ADCY2: variants seen among roughly 807,000 people sequenced by gnomAD.
ADCY2 encodes adenylate cyclase 2, also known as adenylate cyclase type 2.
In ADCY2, 31 loss-of-function variants were observed where a neutral mutation model predicts 125.2. That is an observed-to-expected ratio of 0.25 (90% CI 0.19 to 0.33). ADCY2 has a LOEUF of 0.33. Among genes scored for constraint, ADCY2 ranks in the 10% least tolerant of loss-of-function variants. The pLI, the probability that ADCY2 is intolerant of heterozygous loss-of-function variation, is 1.00. For missense variants in ADCY2, 904 were observed against 1,418.2 expected, an observed-to-expected ratio of 0.64 and a Z score of 5.82; for synonymous variants, 512 against 548.4, an observed-to-expected ratio of 0.93 and a Z score of 0.93.
chr5:7,491,093 A>G (rs1483643715), intron 2 of ADCY2, among the ~76,000 whole-genome samples: 2 of 152,238 alleles, frequency 1.3e-5, no homozygotes, highest in East Asian at 3.8e-4. Flanking sequence ...TACAAAATTA[A>G]ATAAGGGGAA....
Position 7,690,515 on chromosome 5 carries a change from C to T in ADCY2, c.721-176C>T, listed in dbSNP as rs947576676. The T allele has an allele frequency of 4.9e-5, 22 of 449,256 alleles. 1 individual carries two copies. Among genetic ancestry groups the T allele is most frequent in the Non-Finnish European group, 6.1e-5 (16 of 263,026 alleles). 27.8% of individuals were successfully genotyped at this position (449,256 alleles called of 1,614,324 possible). A position where few individuals can be genotyped will look rare whatever the true frequency, so the allele number is the denominator to read the frequency against. Reference sequence around the variant, plus strand: ...TAATAAATAATATAATGATACAGTCCGACCTTAGAAAATCTCTTTTTATTC... The same window carrying T: ...TAATAAATAATATAATGATACAGTCTGACCTTAGAAAATCTCTTTTTATTC... On this transcript the variant is annotated intron_variant, in intron 4 of 24. Coordinates refer to ENST00000338316, the MANE Select transcript of ADCY2 (RefSeq NM_020546.3).
At chr5:7,443,184 GA>G (rs139250179) in intron 2 of ADCY2, among the ~76,000 whole-genome samples, 2,616 of 152,228 alleles carry the variant, frequency 0.017, 77 homozygotes, top group African/African-American at 0.059. Context: ...ATTTTTAGGA[GA>G]CAGAACTAGA....
Position 7,506,954 on chromosome 5 carries a change from A to AT in ADCY2, c.409-13778dup, listed in dbSNP as rs1345497376. Among the ~76,000 whole-genome samples, 9 of 150,256 alleles carry AT rather than the reference A, an allele frequency of 6.0e-5. 1 individual carries two copies. The East Asian group carries it at 1.4e-3, about 24-fold the overall frequency. On this transcript the variant is annotated intron_variant, in intron 2 of 24. Transcript: ENST00000338316. ...GGGCACCCGCCACCATGCCCGGCTA[A>AT]TTTTTTGTATTTTTAGTACAGACGG...
chr5:7,710,290 A>G lies in ADCY2; in HGVS notation c.1578+903A>G, dbSNP rs1035920451. Among the ~76,000 whole-genome samples, 6 of 152,320 alleles carry G rather than the reference A, an allele frequency of 3.9e-5. No homozygotes were observed. The Middle Eastern group carries it at 0.014, about 345-fold the overall frequency. On this transcript the variant is annotated intron_variant, in intron 10 of 24. Coordinates refer to ENST00000338316, the MANE Select transcript of ADCY2 (RefSeq NM_020546.3). Reference sequence around the variant, plus strand: ...TCTCTTCATCTTTTTTCAACTAAAAAGTAAATGTGACTATCAGACGGAAGA... The same window carrying G: ...TCTCTTCATCTTTTTTCAACTAAAAGGTAAATGTGACTATCAGACGGAAGA...
chr5:7,673,269 A>AATATATATATATATATATAT (rs1180249627), intron 4 of ADCY2, among the ~76,000 whole-genome samples: 93 of 3,920 alleles, frequency 0.024, 5 homozygotes, highest in Admixed American at 0.14. Flanking sequence ...AAAAAAAAAA[A>AATATATATATATATATATAT]ATATATATAT....
rs192673012 is a variant in ADCY2 at position 7,800,037 on chromosome 5, G to A, written c.2629-2181G>A. 9 of 152,324 alleles carry A rather than the reference G, an allele frequency of 5.9e-5. No individual in the cohort carries two copies. In the East Asian group the frequency reaches 1.5e-3, roughly 26 times the overall value. The allele number at this position is 152,324 out of a possible 1,614,324, so 9.4% of individuals were successfully genotyped here. On this transcript the variant is annotated intron_variant, in intron 20 of 24. Transcript: ENST00000338316. ...CCCCAAACTGAGCAGTGAAGCCCAT[G>A]ATCATCCCGGAGACTTGATCAAGTA...
At chr5:7,406,414 G>A (rs1739491693) in intron 1 of ADCY2, among the ~76,000 whole-genome samples, 1 of 152,164 alleles carries the variant, frequency 6.6e-6, no homozygotes, top group Non-Finnish European at 1.5e-5. Context: ...GATAACCACA[G>A]TAAACCCTTC....
chr5:7,655,981 G>A (rs540478225), intron 4 of ADCY2, among the ~76,000 whole-genome samples: 12 of 152,042 alleles, frequency 7.9e-5, no homozygotes, highest in Non-Finnish European at 1.3e-4. Flanking sequence ...TGTTAACATG[G>A]AAAGCAGTTG....
Position 7,772,845 on chromosome 5 carries a change from G to A in ADCY2, c.2215-87G>A, listed in dbSNP as rs1743595282. The A allele has an allele frequency of 2.3e-6, 3 of 1,322,788 alleles. No individual in the cohort carries two copies. In the South Asian group the frequency reaches 4.1e-5, roughly 18 times the overall value. 81.9% of individuals were successfully genotyped at this position (1,322,788 alleles called of 1,614,324 possible). ...GCCACCTTATATGTTGACCAGATGA[G>A]ATGGGCGGTGGTCCCCTGATTGTAA... On this transcript the variant is annotated intron_variant, in intron 17 of 24. Transcript: ENST00000338316.
intron 17 of ADCY2, among the ~76,000 whole-genome samples, chr5:7,772,549 A>G (rs568875040): frequency 6.6e-6 from 1 of 152,346 alleles, no homozygotes; most frequent in African/African-American, 2.4e-5. Context: ...GCCAAAAAAG[A>G]TCCTATAGAC....
At chr5:7,710,710 C>G (rs558873959) in intron 10 of ADCY2, among the ~76,000 whole-genome samples, 2 of 152,068 alleles carry the variant, frequency 1.3e-5, no homozygotes, top group Non-Finnish European at 2.9e-5. Context: ...ATTCTGTGTG[C>G]AATTGGAAGT....
chr5:7,441,259 C>T (rs761835669), intron 2 of ADCY2, among the ~76,000 whole-genome samples: 13 of 152,210 alleles, frequency 8.5e-5, no homozygotes, highest in South Asian at 2.1e-4. Context: ...ACATGGGAGA[C>T]GGAATGGAAT....
rs1411141498 is a variant in ADCY2 at position 7,555,610 on chromosome 5, A to G, written c.570+34711A>G. Among the ~76,000 whole-genome samples, 4 of 152,324 alleles carry G rather than the reference A, an allele frequency of 2.6e-5. No individual in the cohort carries two copies. In the East Asian group the frequency reaches 7.7e-4, roughly 29 times the overall value. ...AATACACAGGGAGCTAATTTGAAAG[A>G]TGAACTTAAAATGAGAGGGTTAGGT... On this transcript the variant is annotated intron_variant, in intron 3 of 24. Transcript: ENST00000338316.
chr5:7,728,919 CT>C (rs1742014160), intron 14 of ADCY2, among the ~76,000 whole-genome samples: 1 of 152,154 alleles, frequency 6.6e-6, no homozygotes, highest in Admixed American at 6.5e-5. Flanking sequence ...TGGGATTTCA[CT>C]TTTAAGAAAC....
chr5:7,696,205 A>G (rs574850244), intron 6 of ADCY2, among the ~76,000 whole-genome samples: 1 of 152,232 alleles, frequency 6.6e-6, no homozygotes, highest in East Asian at 1.9e-4. Flanking sequence ...AGGCATTTCC[A>G]TGTCAAGGAT....
intron 20 of ADCY2, chr5:7,800,678 A>G (rs893294571): frequency 6.6e-6 from 1 of 152,146 alleles, no homozygotes; most frequent in African/African-American, 2.4e-5. Flanking sequence ...AAAAAAAAGT[A>G]TGTCCTCCCC....
intron 9 of ADCY2, 56 bp downstream of exon 9, chr5:7,707,894 T>C (rs114840601): frequency 3.9e-5 from 61 of 1,569,420 alleles, no homozygotes; most frequent in Non-Finnish European, 5.0e-5. Context: ...AAATTATTGA[T>C]ATTCATAAGT....
chr5:7,562,169 G>GT (rs2126589417), intron 3 of ADCY2, among the ~76,000 whole-genome samples: 1 of 152,032 alleles, frequency 6.6e-6, no homozygotes, highest in Non-Finnish European at 1.5e-5. Flanking sequence ...CTTCTAACAA[G>GT]TCAACTAGTT....
At chr5:7,590,160 C>T (rs1355580420) in intron 3 of ADCY2, among the ~76,000 whole-genome samples, 3 of 152,038 alleles carry the variant, frequency 2.0e-5, no homozygotes, top group South Asian at 2.1e-4. Context: ...GGGGAGTCAC[C>T]GCACTTCAAC....
Sources: allele counts gnomAD v4.1 joint callset (sites outside exome capture counted in the v4.1 genomes callset), GRCh38; gene constraint gnomAD v4.1.1; transcripts MANE v1.5; gene names NCBI Gene and HGNC (gene_info 2026-07-23, HGNC 2026-07-21).